ERFL: variants seen among roughly 807,000 people sequenced by gnomAD.
The protein encoded by ERFL is ETS domain-containing transcription factor ERF-like.
ERFL carries 8 observed loss-of-function variants against 27.9 expected under a neutral mutation model. The observed-to-expected ratio is 0.29, with a 90% CI of 0.17 to 0.52. The LOEUF is 0.52. ERFL is among the 20% of genes least tolerant of loss of function. The pLI is 0.97. For synonymous variants in ERFL, 174 were observed against 202.8 expected (o/e 0.86, Z 1.21); for missense variants, 294 against 444.4 (o/e 0.66, Z 3.04).
In ERFL at chr19:41,908,403, G is replaced by T; in HGVS notation, c.890C>A (p.Pro297His). The change falls in exon 6 of 6, where the codon CCT becomes CAT. Residue 297 changes from proline to histidine, a missense_variant. Pro to His is a moderately conservative substitution (Grantham distance 77, BLOSUM62 -2). Coordinates refer to ENST00000597630, the MANE Select transcript of ERFL (RefSeq NM_001365103.2). The surrounding 1 kb of genome is among the most constrained non-coding windows in gnomAD (Gnocchi z 6.7). Reference sequence around the variant, plus strand: ...CCCAGCCCCTGGCAGCGCCAGGCGAGGGGCCGCTGCCAGGCCCGAGGGGCG... The same window carrying T: ...CCCAGCCCCTGGCAGCGCCAGGCGATGGGCCGCTGCCAGGCCCGAGGGGCG... ...PERPSGLAAA[P>H]RLALPGAGGP... The T allele has an allele frequency of 8.1e-7, 1 of 1,231,246 alleles. No individual in the cohort carries two copies. Among genetic ancestry groups the T allele is most frequent in the Non-Finnish European group, 1.0e-6 (1 of 987,648 alleles). 76.3% of individuals were successfully genotyped at this position (1,231,246 alleles called of 1,614,324 possible).
intron 2 of ERFL, among the ~76,000 whole-genome samples, chr19:41,911,227 C>T (rs964281523): frequency 2.0e-5 from 3 of 152,152 alleles, no homozygotes; most frequent in Admixed American, 6.5e-5. Flanking sequence ...CTGGGCACCC[C>T]GAAATCTCAT....
chr19:41,926,789 C>T (rs1166120115), intron 1 of ERFL, among the ~76,000 whole-genome samples: 1 of 152,170 alleles, frequency 6.6e-6, no homozygotes, highest in Non-Finnish European at 1.5e-5. Context: ...TCCAGAGCGA[C>T]CGATCGATTC....
chr19:41,912,893 A>G lies in ERFL; in HGVS notation c.27T>C (p.Leu9=), dbSNP rs1599672614. The G allele has an allele frequency of 8.1e-7, 1 of 1,231,556 alleles. No homozygotes were observed. Among genetic ancestry groups the G allele is most frequent in the Non-Finnish European group, 1.0e-6 (1 of 987,908 alleles). 76.3% of individuals were successfully genotyped at this position (1,231,556 alleles called of 1,614,324 possible). A position where few individuals can be genotyped will look rare whatever the true frequency, so the allele number is the denominator to read the frequency against. MDCSCVSD[L]LFAPPALPAL... is the part of the protein sequence containing the mutation. Reference sequence around the variant, plus strand: ...CCGGCAGGGCGGGCGGGGCGAAGAGAAGGTCGGAGACGCAGCTACAGTCCA... The same window carrying G: ...CCGGCAGGGCGGGCGGGGCGAAGAGGAGGTCGGAGACGCAGCTACAGTCCA... Residue 9 remains leucine, a synonymous_variant, in exon 2 of 6, where the codon CTT becomes CTC. Coordinates refer to ENST00000597630, the MANE Select transcript of ERFL (RefSeq NM_001365103.2).
At chr19:41,923,619 G>A (rs1050456771) in intron 1 of ERFL, among the ~76,000 whole-genome samples, 18 of 129,738 alleles carry the variant, frequency 1.4e-4, no homozygotes, top group African/African-American at 4.9e-4. Flanking sequence ...ATGAAAGTGA[G>A]GGTGGGTGGA....
Position 41,908,118 on chromosome 19 carries a change from C to T in ERFL, c.*110G>A. Reference sequence around the variant, plus strand: ...AAGGAGACTGGGGCAGCAATGTGCCCAGACCTGGGAGGTGCTGAGGGCTGG... The same window carrying T: ...AAGGAGACTGGGGCAGCAATGTGCCTAGACCTGGGAGGTGCTGAGGGCTGG... On this transcript the variant is annotated 3_prime_UTR_variant, in exon 6 of 6. Transcript: ENST00000597630. The surrounding 1 kb of genome is among the most constrained non-coding windows in gnomAD (Gnocchi z 6.7). 3.4e-6 allele frequency: 3 copies of T among 879,956 alleles called. No homozygotes were observed. The highest frequency in any genetic ancestry group is 4.5e-6 in the Non-Finnish European group (3 of 666,508). 54.5% of individuals were successfully genotyped at this position (879,956 alleles called of 1,614,324 possible). A position where few individuals can be genotyped will look rare whatever the true frequency, so the allele number is the denominator to read the frequency against.
Position 41,922,142 on chromosome 19 carries a change from T to G in ERFL, c.-14+5898A>C, listed in dbSNP as rs2074845963. On this transcript the variant is annotated intron_variant, in intron 1 of 5. Coordinates refer to ENST00000597630, the MANE Select transcript of ERFL (RefSeq NM_001365103.2). ...TGTGGTGTACACCAGAACCAGCTAC[T>G]CAGGGAGCCCAGAGACCCAGAGTCC... 2.0e-5 allele frequency among the ~76,000 whole-genome samples: 3 copies of G among 152,014 alleles called. No homozygotes were observed. The South Asian group carries it at 6.2e-4, about 32-fold the overall frequency.
At position 41,912,854 on chromosome 19, in the gene ERFL, G is replaced by C; in HGVS notation, c.66C>G (p.Pro22=). ...APPALPALWT[P]GFAFPDWAYK... The stretch of plus-strand genomic sequence containing the variant: ...GTGGGGGAGGTCCGGGCCAGTTACC[G>C]GGGGTCCAGAGAGCCGGCAGGGCGG... The change falls in exon 2 of 6, where the codon CCC becomes CCG. Residue 22 remains proline, a splice_region_variant and synonymous_variant. Coordinates refer to ENST00000597630, the MANE Select transcript of ERFL (RefSeq NM_001365103.2). 8.2e-7 allele frequency: 1 copy of C among 1,220,326 alleles called. No homozygotes were observed. The highest frequency in any genetic ancestry group is 3.1e-4 in the Middle Eastern group (1 of 3,186). The allele number at this position is 1,220,326 out of a possible 1,614,324, so 75.6% of individuals were successfully genotyped here.
At chr19:41,923,620 G>A (rs146184415) in intron 1 of ERFL, among the ~76,000 whole-genome samples, 1 of 128,380 alleles carries the variant, frequency 7.8e-6, no homozygotes, top group African/African-American at 3.1e-5. Flanking sequence ...TGAAAGTGAG[G>A]GTGGGTGGAA....
In ERFL at chr19:41,909,817, T is replaced by TG; in HGVS notation, c.302+45dup. Reference sequence around the variant, plus strand: ...GCAGAGGGGGCACCAGAGGGACAGTTGGGGGAAAAGGACAAGGTGGGATCC... The same window carrying TG: ...GCAGAGGGGGCACCAGAGGGACAGTTGGGGGGAAAAGGACAAGGTGGGATCC... On this transcript the variant is annotated intron_variant, in intron 3 of 5. Transcript: ENST00000597630. The surrounding 1 kb of genome is among the most constrained non-coding windows in gnomAD (Gnocchi z 5.2). The TG allele has an allele frequency of 6.5e-7, 1 of 1,532,606 alleles. No individual in the cohort carries two copies. The highest frequency in any genetic ancestry group is 1.3e-5 in the South Asian group (1 of 79,150). The allele number at this position is 1,532,606 out of a possible 1,614,324, so 94.9% of individuals were successfully genotyped here.
intron 1 of ERFL, among the ~76,000 whole-genome samples, chr19:41,919,269 GAC>G (rs1320055633): frequency 2.0e-5 from 3 of 152,110 alleles, no homozygotes; most frequent in Non-Finnish European, 4.4e-5. Flanking sequence ...CACACAGGGT[GAC>G]ACCAGAAACA....
chr19:41,922,551 A>G (rs183291082), intron 1 of ERFL, among the ~76,000 whole-genome samples: 6 of 152,128 alleles, frequency 3.9e-5, no homozygotes, highest in African/African-American at 1.4e-4. Flanking sequence ...GGGGTCAAAG[A>G]CCCAGGAGGG....
chr19:41,911,815 T>G (rs1186962579), intron 2 of ERFL, among the ~76,000 whole-genome samples: 1 of 152,084 alleles, frequency 6.6e-6, no homozygotes, highest in African/African-American at 2.4e-5. Context: ...TCAAATATGT[T>G]GTACCTATGA....
At chr19:41,923,013 A>G (rs1322832670) in intron 1 of ERFL, 1 of 393,574 alleles carries the variant, frequency 2.5e-6, no homozygotes, top group African/African-American at 2.1e-5. Context: ...CAGCCTAGGG[A>G]AGAGGCGGGA....
At chr19:41,913,116 C>G (rs1050025768) in intron 1 of ERFL, among the ~76,000 whole-genome samples, 184 bp from the exon 2 acceptor site, 1 of 152,050 alleles carries the variant, frequency 6.6e-6, no homozygotes. Context: ...CAGCCGTTCC[C>G]GGCCCCGAGA....
At position 41,909,894 on chromosome 19, in the gene ERFL, T is replaced by C; in HGVS notation, c.271A>G (p.Met91Val). 1 of 1,613,488 alleles carries C rather than the reference T, an allele frequency of 6.2e-7. No homozygotes were observed. Among genetic ancestry groups the C allele is most frequent in the Non-Finnish European group, 8.5e-7 (1 of 1,179,734 alleles). ...LWGIRKCKPH[M>V]NYDKLSRALR... ...GCCCGGCTCAGCTTGTCGTAATTCATGTGGGGCTTGCATTTGCGAATACCC... is the reference window on the plus strand; with the variant it reads ...GCCCGGCTCAGCTTGTCGTAATTCACGTGGGGCTTGCATTTGCGAATACCC... Residue 91 changes from methionine (M) to valine (V), a missense_variant, in exon 3 of 6, where the codon ATG becomes GTG. This residue lies in a region of ERFL where 246 missense variants were observed against 371.4 expected (regional missense o/e 0.66). Transcript: ENST00000597630. The surrounding 1 kb of genome is among the most constrained non-coding windows in gnomAD (Gnocchi z 5.2).
rs566376268 is a variant in ERFL at position 41,915,238 on chromosome 19, C to T, written c.-13-2306G>A. 4.0e-5 allele frequency among the ~76,000 whole-genome samples: 6 copies of T among 149,652 alleles called. No homozygotes were observed. In the South Asian group the frequency reaches 6.5e-4, roughly 16 times the overall value. On this transcript the variant is annotated intron_variant, in intron 1 of 5. Transcript: ENST00000597630. Reference sequence around the variant, plus strand: ...CTCCGGACACGTTATAACGAGGAGCCGTGGGATCGGCGCTCCGGGCCCTGC... The same window carrying T: ...CTCCGGACACGTTATAACGAGGAGCTGTGGGATCGGCGCTCCGGGCCCTGC...
In ERFL at chr19:41,910,529, G is replaced by T. The variant is rs1555851154; in HGVS notation, c.68-432C>A. On this transcript the variant is annotated intron_variant, in intron 2 of 5. Coordinates refer to ENST00000597630, the MANE Select transcript of ERFL (RefSeq NM_001365103.2). This position sits in a 1 kb window ranked among gnomAD's most constrained non-coding sequence, Gnocchi z 4.4. ...GGTGCCCTCAGCTCTTACTGTCTCT[G>T]TTCCCCATTCCCTGTCCCCTGCTCC... Among the ~76,000 whole-genome samples the T allele has an allele frequency of 1.3e-5, 2 of 152,068 alleles. No homozygotes were observed. The highest frequency in any genetic ancestry group is 2.9e-5 in the Non-Finnish European group (2 of 68,002).
chr19:41,913,116 C>T (rs1050025768), intron 1 of ERFL, among the ~76,000 whole-genome samples, 184 bp from the exon 2 acceptor site: 27 of 152,050 alleles, frequency 1.8e-4, no homozygotes, highest in Admixed American at 1.4e-3. Context: ...CAGCCGTTCC[C>T]GGCCCCGAGA....
chr19:41,909,414 C>T lies in ERFL; in HGVS notation c.360G>A (p.Lys120=). ...HKTKGKRFTY[K]FNFSKVVLVN... ...CAAGCACGACTTTGCTGAAGTTGAA[C>T]TTGTAGGTGAACCTCTTCCCTTTGG... Residue 120 remains lysine, a synonymous_variant, in exon 4 of 6, where the codon AAG becomes AAA. Transcript: ENST00000597630. This position sits in a 1 kb window ranked among gnomAD's most constrained non-coding sequence, Gnocchi z 5.2. The T allele has an allele frequency of 1.6e-6, 2 of 1,237,630 alleles. No individual in the cohort carries two copies. Among genetic ancestry groups the T allele is most frequent in the East Asian group, 6.3e-5 (2 of 31,722 alleles). 76.7% of individuals were successfully genotyped at this position (1,237,630 alleles called of 1,614,324 possible).
Sources: gnomAD v4.1 joint callset for allele counts (sites outside exome capture counted in the v4.1 genomes callset) on GRCh38, gnomAD v4.1.1 for gene constraint, gnomAD v4.1.1 regional missense constraint, Gnocchi (gnomAD v3.1) non-coding constraint, MANE v1.5 for transcripts, NCBI Gene and HGNC (gene_info 2026-07-23, HGNC 2026-07-21) for gene names.